Variants in NPHP4 observed in about 807,000 individuals in gnomAD.
NPHP4 encodes nephrocystin-4.
In NPHP4, 151 loss-of-function variants were observed where a neutral mutation model predicts 155.8. The ratio of observed to expected loss-of-function variants is 0.97; its 90% CI spans 0.85 to 1.11. The LOEUF (loss-of-function observed/expected upper bound fraction) is 1.11. Among genes scored for constraint, NPHP4 ranks in the 50% least tolerant of loss-of-function variants. NPHP4 has a pLI of 0.00. For missense variants in NPHP4, 1,956 were observed against 1,925.7 expected (o/e 1.02, Z -0.29); for synonymous variants, 845 against 816.8 (o/e 1.03, Z -0.59).
rs1557575871 is a variant in NPHP4 at position 5,863,394 on chromosome 1, T to G, written c.4152A>C (p.Gly1384=). The part of the protein sequence containing the change: ...FREDSFQVGG[G]ETYTIGLQFA... ...ACTGCAAGCCGATGGTGTAGGTCTCTCCACCCCCGACCTGGAAATAAGCAT... is the reference window on the plus strand; with the variant it reads ...ACTGCAAGCCGATGGTGTAGGTCTCGCCACCCCCGACCTGGAAATAAGCAT... The change falls in exon 30 of 30, where the codon GGA becomes GGC. Residue 1384 remains glycine, a synonymous_variant. Coordinates refer to ENST00000378156, the MANE Select transcript of NPHP4 (RefSeq NM_015102.5). 2.5e-6 allele frequency: 4 copies of G among 1,604,088 alleles called. No individual in the cohort carries two copies. In the South Asian group the frequency reaches 4.4e-5, roughly 18 times the overall value.
intron 20 of NPHP4, 62 bp from the exon 21 acceptor site, chr1:5,875,162 T>G (rs963030): frequency 4.6e-6 from 6 of 1,302,744 alleles, no homozygotes; most frequent in South Asian, 1.3e-5. Flanking sequence ...CAAGGGGCTA[T>G]TGCTGGCTGC....
chr1:5,972,750 T>C (rs1652808798), intron 3 of NPHP4, among the ~76,000 whole-genome samples: 2 of 152,164 alleles, frequency 1.3e-5, no homozygotes, highest in African/African-American at 2.4e-5. Context: ...CTTTCTTTCT[T>C]TTTTTTCATA....
chr1:5,864,121 G>T, intron 28 of NPHP4, 88 bp from the exon 29 acceptor site: 1 of 1,468,026 alleles, frequency 6.8e-7, no homozygotes, highest in African/African-American at 1.4e-5. Context: ...AGTCTCCTGT[G>T]CACCGTGCAC....
chr1:5,936,202 CT>C (rs748947653), intron 9 of NPHP4, among the ~76,000 whole-genome samples: 2 of 152,154 alleles, frequency 1.3e-5, no homozygotes, highest in Non-Finnish European at 2.9e-5. Flanking sequence ...TGTTTAACAG[CT>C]TTAATAACAA....
chr1:5,888,624 C>T, intron 17 of NPHP4: 1 of 1,343,792 alleles, frequency 7.4e-7, no homozygotes, highest in Non-Finnish European at 9.8e-7. Flanking sequence ...TAGGGAACAG[C>T]CAACAAATAC....
In NPHP4 at chr1:5,978,304, G is replaced by A. The variant is rs372960832; in HGVS notation, c.245C>T (p.Thr82Met). 63 of 1,608,700 alleles carry A rather than the reference G, an allele frequency of 3.9e-5. No homozygotes were observed. Among genetic ancestry groups the A allele is most frequent in the African/African-American group, 1.1e-4 (8 of 74,770 alleles). Residue 82 changes from threonine (T) to methionine (M), a missense_variant, in exon 3 of 30, where the codon ACG (threonine) becomes ATG (methionine). Thr to Met is a moderately conservative substitution (Grantham distance 81). Coordinates refer to ENST00000378156, the MANE Select transcript of NPHP4 (RefSeq NM_015102.5). ...GRTWKTTVKP[T>M]KRPPSRIVFN... is the part of the protein sequence containing the mutation. ...GACGATCCTGGACGGCGGTCTCTTC[G>A]TCGGCTTCACTGTGGTTTTCCACGT...
chr1:5,921,420 C>T (rs1192427985), intron 11 of NPHP4, among the ~76,000 whole-genome samples: 1 of 152,216 alleles, frequency 6.6e-6, no homozygotes, highest in Non-Finnish European at 1.5e-5. Flanking sequence ...CTCTTCAAAG[C>T]GGCTGCACAC....
At chr1:5,960,556 G>C (rs1650117246) in intron 6 of NPHP4, among the ~76,000 whole-genome samples, 1 of 151,966 alleles carries the variant, frequency 6.6e-6, no homozygotes, top group African/African-American at 2.4e-5. Flanking sequence ...GTCAAATCCT[G>C]CTCTTCCTGG....
intron 4 of NPHP4, among the ~76,000 whole-genome samples, chr1:5,968,275 C>G (rs550847596): frequency 6.6e-6 from 1 of 152,014 alleles, no homozygotes; most frequent in Non-Finnish European, 1.5e-5. Context: ...GCCCTTACTC[C>G]GGCCTAAAGA....
At chr1:5,888,851 C>T (rs1325093368) in intron 17 of NPHP4, among the ~76,000 whole-genome samples, 2 of 152,168 alleles carry the variant, frequency 1.3e-5, no homozygotes, top group African/African-American at 2.4e-5. Context: ...TGCATGCCTG[C>T]GGCCCTCACG....
At chr1:5,881,850 T>C (rs1253118657) in intron 18 of NPHP4, 1 of 152,286 alleles carries the variant, frequency 6.6e-6, no homozygotes, top group Non-Finnish European at 1.5e-5. Context: ...CATCTGTCCC[T>C]GCTTCAGTCT....
In NPHP4 at chr1:5,874,922, TG is replaced by T; in HGVS notation, c.2995del (p.His999ThrfsTer7). 1 of 1,613,656 alleles carries T rather than the reference TG, an allele frequency of 6.2e-7. No homozygotes were observed. On this transcript the variant is annotated frameshift_variant, in exon 21 of 30. Transcript: ENST00000378156. LOFTEE classifies it high-confidence loss of function. ...CACAGTCACCGTGTGCTGTGTGTTG[TG>T]GGGGTTCTTAAGCACAAACTCAAAG... ...EFFEFVLKNP[H>X]NTQHTVTVEI...
At chr1:5,900,067 G>T (rs537814770) in intron 16 of NPHP4, among the ~76,000 whole-genome samples, 25 of 152,190 alleles carry the variant, frequency 1.6e-4, no homozygotes, top group Admixed American at 3.3e-4. Flanking sequence ...AACACCAAAT[G>T]CTGGTGAGGA....
intron 1 of NPHP4, chr1:5,991,540 G>C (rs1557905572): frequency 6.6e-6 from 1 of 152,284 alleles, no homozygotes; most frequent in African/African-American, 2.4e-5. Context: ...TAGACACGAG[G>C]AATCTCGGGC....
chr1:5,980,342 T>C (rs1654463325), intron 2 of NPHP4, among the ~76,000 whole-genome samples: 1 of 152,026 alleles, frequency 6.6e-6, no homozygotes, highest in African/African-American at 2.4e-5. Context: ...CAGTCCCAGG[T>C]ACATTCTAAG....
chr1:5,938,894 T>C (rs958597982), intron 9 of NPHP4, among the ~76,000 whole-genome samples: 2 of 152,262 alleles, frequency 1.3e-5, no homozygotes, highest in African/African-American at 2.4e-5. Flanking sequence ...TAGAGAACGA[T>C]GTTAACACCA....
rs140612295 is a variant in NPHP4 at position 5,880,031 on chromosome 1, G to GCA, written c.2611+81_2611+82dup. Reference sequence around the variant, plus strand: ...CACACACACACATGCACACACGCATGCACACACACACACACGCAGTCTTCC... The same window carrying GCA: ...CACACACACACATGCACACACGCATGCACACACACACACACACGCAGTCTTCC... On this transcript the variant is annotated intron_variant, in intron 19 of 29. Coordinates refer to ENST00000378156, the MANE Select transcript of NPHP4 (RefSeq NM_015102.5). The GCA allele has an allele frequency of 4.0e-3, 5,110 of 1,264,456 alleles. 1 individual carries two copies. The highest frequency in any genetic ancestry group is 6.8e-3 in the East Asian group (243 of 35,708). 78.3% of individuals were successfully genotyped at this position (1,264,456 alleles called of 1,614,324 possible).
intron 10 of NPHP4, among the ~76,000 whole-genome samples, chr1:5,929,443 A>G (rs12742075): frequency 0.21 from 31,519 of 152,122 alleles, 3,809 homozygotes; most frequent in African/African-American, 0.34. Flanking sequence ...AGTTTTTGTA[A>G]ACATCACTGA....
At chr1:5,963,452 A>C (rs1650740234) in intron 5 of NPHP4, among the ~76,000 whole-genome samples, 1 of 152,136 alleles carries the variant, frequency 6.6e-6, no homozygotes, top group South Asian at 2.1e-4. Flanking sequence ...AACCACTTCA[A>C]ACATGGAATC....
Sources: allele counts gnomAD v4.1 joint callset (sites outside exome capture counted in the v4.1 genomes callset), GRCh38; gene constraint gnomAD v4.1.1; transcripts MANE v1.5; gene names NCBI Gene and HGNC (gene_info 2026-07-23, HGNC 2026-07-21).